WBP1L: variants seen among roughly 807,000 people sequenced by gnomAD.
The protein encoded by WBP1L is WW domain binding protein 1 like.
In WBP1L, 17 loss-of-function variants were observed where a neutral mutation model predicts 33.7. The observed-to-expected ratio is 0.50, with a 90% CI of 0.34 to 0.76. WBP1L has a LOEUF of 0.76. Ranked by LOEUF, WBP1L falls within the 30% of genes least tolerant of loss-of-function variation. The pLI is 0.01. For missense variants in WBP1L, 389 were observed against 469.4 expected (o/e 0.83, Z 1.58); for synonymous variants, 173 against 190.8 (o/e 0.91, Z 0.77).
At chr10:102,808,598 T>C (rs139215217) in intron 2 of WBP1L, among the ~76,000 whole-genome samples, 196 of 152,308 alleles carry the variant, frequency 1.3e-3, no homozygotes, top group African/African-American at 4.4e-3. Flanking sequence ...GGAGAGTTGA[T>C]TGTGGCAGTG....
In WBP1L at chr10:102,813,019, G is replaced by T. The variant is rs150055849; in HGVS notation, c.780G>T (p.Thr260=). The part of the protein sequence containing the change: ...EHGAPDSKEK[T]PGRHRRFTGD... The stretch of plus-strand genomic sequence containing the variant: ...GCGCACCCGACAGCAAAGAGAAGAC[G>T]CCTGGGAGACATCGCCGCTTCACAG... The change falls in exon 4 of 4, where the codon ACG becomes ACT. Residue 260 remains threonine, a synonymous_variant. Transcript: ENST00000448841. The T allele has an allele frequency of 4.6e-5, 74 of 1,613,692 alleles. No homozygotes were observed. Among genetic ancestry groups the T allele is most frequent in the Middle Eastern group, 1.6e-4 (1 of 6,062 alleles).
At chr10:102,744,499 C>T in intron 1 of WBP1L, 2 of 984,994 alleles carry the variant, frequency 2.0e-6, no homozygotes, top group East Asian at 1.1e-4. Context: ...GCAGTATGTA[C>T]GTCTGTGTGT....
intron 1 of WBP1L, among the ~76,000 whole-genome samples, chr10:102,750,012 C>T (rs1170608629): frequency 6.6e-6 from 1 of 151,190 alleles, no homozygotes; most frequent in African/African-American, 2.4e-5. Flanking sequence ...GAACTCCTGA[C>T]CTCAGATGAT....
rs901433086 is a variant in WBP1L at position 102,813,416 on chromosome 10, G to T, written c.*85G>T. The T allele has an allele frequency of 8.8e-6, 13 of 1,477,804 alleles. No individual in the cohort carries two copies. Among genetic ancestry groups the T allele is most frequent in the African/African-American group, 1.4e-5 (1 of 71,296 alleles). 91.5% of individuals were successfully genotyped at this position (1,477,804 alleles called of 1,614,324 possible). A position where few individuals can be genotyped will look rare whatever the true frequency, so the allele number is the denominator to read the frequency against. On this transcript the variant is annotated 3_prime_UTR_variant, in exon 4 of 4. Transcript: ENST00000448841. The stretch of plus-strand genomic sequence containing the variant: ...AGAGAAGCATTAAGTGACTTTCAAA[G>T]ACTTTCAGAGTACAGCCACTTGGTT...
At chr10:102,758,435 A>G (rs188941973) in intron 1 of WBP1L, among the ~76,000 whole-genome samples, 24 of 152,244 alleles carry the variant, frequency 1.6e-4, no homozygotes, top group Admixed American at 1.4e-3. Flanking sequence ...GGATTTATCT[A>G]TTCTGGACAT....
chr10:102,791,526 C>T (rs1457060290), intron 1 of WBP1L, among the ~76,000 whole-genome samples: 4 of 152,060 alleles, frequency 2.6e-5, no homozygotes, highest in Non-Finnish European at 4.4e-5. Context: ...TGGCCAGGCA[C>T]GGTGGCTCAC....
chr10:102,795,375 G>C (rs1564765985), intron 1 of WBP1L, among the ~76,000 whole-genome samples: 1 of 152,184 alleles, frequency 6.6e-6, no homozygotes, highest in Non-Finnish European at 1.5e-5. Flanking sequence ...CTTCCGTACT[G>C]TGTTAAAAAC....
At chr10:102,763,097 C>T (rs1045310520) in intron 1 of WBP1L, among the ~76,000 whole-genome samples, 2 of 149,588 alleles carry the variant, frequency 1.3e-5, no homozygotes, top group South Asian at 2.1e-4. Context: ...CCAGCTACTT[C>T]GGAAGCTGAG....
intron 1 of WBP1L, among the ~76,000 whole-genome samples, chr10:102,753,226 A>G (rs908591876): frequency 2.0e-5 from 3 of 152,044 alleles, no homozygotes; most frequent in African/African-American, 7.2e-5. Flanking sequence ...GACTACAGGC[A>G]CACGCTACAG....
intron 1 of WBP1L, among the ~76,000 whole-genome samples, chr10:102,754,372 T>C (rs1842950545): frequency 6.6e-6 from 1 of 152,204 alleles, no homozygotes; most frequent in East Asian, 1.9e-4. Flanking sequence ...TAGAGCTGAT[T>C]GCTGCTTTTC....
rs1843710698 is a variant in WBP1L at position 102,805,006 on chromosome 10, G to A, written c.194-4887G>A. On this transcript the variant is annotated intron_variant, in intron 2 of 3. Coordinates refer to ENST00000448841, the MANE Select transcript of WBP1L (RefSeq NM_001083913.2). ...AAAACAAAAACAACCATGTTGGCCA[G>A]GTGTGGTGGCTCATACCTGTAATCC... 2.0e-5 allele frequency among the ~76,000 whole-genome samples: 3 copies of A among 152,092 alleles called. No homozygotes were observed. The South Asian group carries it at 6.2e-4, about 32-fold the overall frequency.
Position 102,812,878 on chromosome 10 carries a change from A to T in WBP1L, c.639A>T (p.Pro213=). 6.4e-7 allele frequency: 1 copy of T among 1,573,300 alleles called. No individual in the cohort carries two copies. The highest frequency in any genetic ancestry group is 8.6e-7 in the Non-Finnish European group (1 of 1,157,792). ...TTGACCGAGCAGCCACCAAAGCCCC[A>T]GGGATGGAGCCCAGTGGCTCTGTGG... ...LPVDRAATKA[P]GMEPSGSVAG... is the part of the protein sequence containing the mutation. The change falls in exon 4 of 4, where the codon CCA becomes CCT. Residue 213 remains proline (P), a synonymous_variant. Transcript: ENST00000448841.
intron 3 of WBP1L, among the ~76,000 whole-genome samples, chr10:102,811,750 A>G (rs1843845400): frequency 6.6e-6 from 1 of 152,218 alleles, no homozygotes; most frequent in South Asian, 2.1e-4. Flanking sequence ...AGCTCAAGTG[A>G]TCTGCCCGCC....
intron 1 of WBP1L, chr10:102,776,396 T>G: frequency 6.2e-7 from 1 of 1,614,180 alleles, no homozygotes; most frequent in Non-Finnish European, 8.5e-7. Context: ...GCAGGATGCC[T>G]TTCCTTTTGG....
At chr10:102,771,962 A>AT (rs201457108) in intron 1 of WBP1L, among the ~76,000 whole-genome samples, 68,817 of 145,746 alleles carry the variant, frequency 0.47, 17,182 homozygotes, top group East Asian at 0.76. Context: ...AATCTGCAAC[A>AT]TTTTTTTTTT....
intron 2 of WBP1L, among the ~76,000 whole-genome samples, chr10:102,802,980 C>T (rs1412429070): frequency 1.3e-5 from 2 of 152,200 alleles, no homozygotes; most frequent in African/African-American, 4.8e-5. Flanking sequence ...CTCACAGTGA[C>T]CAGATAAGTT....
At chr10:102,812,006 C>T (rs556944607) in intron 3 of WBP1L, among the ~76,000 whole-genome samples, 5 of 152,300 alleles carry the variant, frequency 3.3e-5, no homozygotes, top group East Asian at 1.9e-4. Flanking sequence ...TACCCTTTGC[C>T]GGTCACCCAT....
intron 1 of WBP1L, among the ~76,000 whole-genome samples, chr10:102,761,469 T>A (rs909891562): frequency 5.9e-5 from 9 of 151,808 alleles, no homozygotes; most frequent in Non-Finnish European, 1.0e-4. Context: ...ATTTTTTCTT[T>A]TTTTGAGACG....
rs1483242012 is a variant in WBP1L at position 102,744,104 on chromosome 10, G to T, written c.51G>T (p.Ala17=). The T allele has an allele frequency of 6.4e-7, 1 of 1,550,658 alleles. No individual in the cohort carries two copies. The highest frequency in any genetic ancestry group is 8.7e-7 in the Non-Finnish European group (1 of 1,147,812). ...LGGMALLLLQ[A]LPSPLSARAE... ...GCATGGCGCTCCTGCTCCTCCAGGC[G>T]CTGCCCAGCCCCTTGTCAGCCAGGG... The change falls in exon 1 of 4, where the codon GCG becomes GCT. Residue 17 remains alanine, a synonymous_variant. Coordinates refer to ENST00000448841, the MANE Select transcript of WBP1L (RefSeq NM_001083913.2).
Sources: gnomAD v4.1 joint callset for allele counts (sites outside exome capture counted in the v4.1 genomes callset) on GRCh38, gnomAD v4.1.1 for gene constraint, MANE v1.5 for transcripts, NCBI Gene and HGNC (gene_info 2026-07-23, HGNC 2026-07-21) for gene names.